IGSF21: variants seen among roughly 807,000 people sequenced by gnomAD.
IGSF21 encodes immunoglobin superfamily member 21, also known as immunoglobulin superfamily member 21.
In IGSF21, 28 loss-of-function variants were observed where a neutral mutation model predicts 46.8. That is an observed-to-expected ratio of 0.60 (90% CI 0.44 to 0.82). IGSF21 has a LOEUF of 0.82. Among genes scored for constraint, IGSF21 ranks in the 40% least tolerant of loss-of-function variants. The pLI is 0.00. For synonymous variants in IGSF21, 284 were observed against 273.6 expected, an observed-to-expected ratio of 1.04 and a Z score of -0.38; for missense variants, 624 against 665.5, an observed-to-expected ratio of 0.94 and a Z score of 0.69.
At chr1:18,307,432 T>A (rs1393922118) in intron 3 of IGSF21, among the ~76,000 whole-genome samples, 1 of 152,218 alleles carries the variant, frequency 6.6e-6, no homozygotes, top group Non-Finnish European at 1.5e-5. Context: ...CATCGACTCA[T>A]CTATCCTCAC....
chr1:18,113,618 C>A (rs2086162357), intron 1 of IGSF21: 1 of 144,662 alleles, frequency 6.9e-6, no homozygotes, highest in Non-Finnish European at 1.5e-5. Flanking sequence ...CCCCACCCCA[C>A]CCAACACATA....
chr1:18,334,009 C>T lies in IGSF21; in HGVS notation c.306-883C>T, dbSNP rs769874387. ...CAGTTGCACCAATTTGTTTACACAC[C>T]GATTGTAGCTGCTTTTGTGCTGCAA... On this transcript the variant is annotated intron_variant, in intron 3 of 9. Transcript: ENST00000251296. The surrounding 1 kb of genome is among the most constrained non-coding windows in gnomAD (Gnocchi z 4.3). Among the ~76,000 whole-genome samples, 77 of 152,156 alleles carry T rather than the reference C, an allele frequency of 5.1e-4. 1 individual carries two copies. Among genetic ancestry groups the T allele is most frequent in the African/African-American group, 8.9e-4 (37 of 41,434 alleles).
At chr1:18,330,613 G>A (rs12045666) in intron 3 of IGSF21, among the ~76,000 whole-genome samples, 5 of 41,186 alleles carry the variant, frequency 1.2e-4, no homozygotes, top group African/African-American at 6.1e-4. Context: ...GGGCAGGGGC[G>A]TGGGAGAAGG....
intron 4 of IGSF21, among the ~76,000 whole-genome samples, chr1:18,349,463 G>C (rs1247050218): frequency 6.6e-6 from 1 of 152,178 alleles, no homozygotes; most frequent in Admixed American, 6.5e-5. Context: ...GCATGGAGCT[G>C]GGCCTAGCAG....
chr1:18,376,189 T>C, intron 6 of IGSF21, 121 bp from the exon 7 acceptor site: 1 of 756,770 alleles, frequency 1.3e-6, no homozygotes, highest in Admixed American at 1.7e-5. Flanking sequence ...ATGAGCACAC[T>C]GAGCTTCTCA....
At chr1:18,245,857 G>A (rs2084778673) in intron 2 of IGSF21, among the ~76,000 whole-genome samples, 1 of 152,156 alleles carries the variant, frequency 6.6e-6, no homozygotes, top group African/African-American at 2.4e-5. Flanking sequence ...CTTAGAGTCA[G>A]ATCAGGATTC....
At chr1:18,239,691 T>C (rs1414147931) in intron 2 of IGSF21, among the ~76,000 whole-genome samples, 1 of 152,114 alleles carries the variant, frequency 6.6e-6, no homozygotes, top group Non-Finnish European at 1.5e-5. Flanking sequence ...CTGCGTGCAA[T>C]GCCCTTCTCC....
At chr1:18,271,390 A>G (rs1262314510) in intron 2 of IGSF21, among the ~76,000 whole-genome samples, 2 of 152,172 alleles carry the variant, frequency 1.3e-5, no homozygotes, top group African/African-American at 2.4e-5. Flanking sequence ...AAAGCCCCAC[A>G]TCCCAGGCCT....
chr1:18,195,058 T>A (rs1048276382), intron 1 of IGSF21, among the ~76,000 whole-genome samples: 1 of 152,184 alleles, frequency 6.6e-6, no homozygotes, highest in Non-Finnish European at 1.5e-5. Context: ...ACAGCCCCCA[T>A]GATTCAATGA....
At chr1:18,117,599 A>C (rs1341594677) in intron 1 of IGSF21, among the ~76,000 whole-genome samples, 1 of 152,186 alleles carries the variant, frequency 6.6e-6, no homozygotes, top group African/African-American at 2.4e-5. Context: ...CCATATGCAC[A>C]GTGGCTAGCA....
chr1:18,216,217 G>A (rs1180259544), intron 1 of IGSF21, among the ~76,000 whole-genome samples: 3 of 152,150 alleles, frequency 2.0e-5, no homozygotes, highest in African/African-American at 7.2e-5. Context: ...GGTGTTCCAG[G>A]AAGAGGAAAC....
chr1:18,196,683 T>A (rs1443668569), intron 1 of IGSF21, among the ~76,000 whole-genome samples: 1 of 152,188 alleles, frequency 6.6e-6, no homozygotes, highest in Admixed American at 6.5e-5. Context: ...GTGCTCTTCT[T>A]ATATCTGTTT....
intron 6 of IGSF21, among the ~76,000 whole-genome samples, chr1:18,370,195 G>A (rs561793909): frequency 2.6e-5 from 4 of 152,000 alleles, no homozygotes; most frequent in Admixed American, 6.6e-5. Context: ...TTCCCACCCC[G>A]ATTGATCTAC....
chr1:18,273,375 C>CTTTCCTTTCCTTTCT (rs1201163011), intron 2 of IGSF21, among the ~76,000 whole-genome samples: 1 of 142,272 alleles, frequency 7.0e-6, no homozygotes, highest in African/African-American at 2.7e-5. Flanking sequence ...CTTTCCTTTC[C>CTTTCCTTTCCTTTCT]TTTCCTTTCC....
At chr1:18,291,835 C>A (rs1256427540) in intron 2 of IGSF21, 31 bp from the exon 3 acceptor site, 2 of 1,610,700 alleles carry the variant, frequency 1.2e-6, no homozygotes, top group East Asian at 4.5e-5. Context: ...GTTGAGCACT[C>A]ACGTGTGGCT....
At chr1:18,208,376 AAT>A (rs5772795) in intron 1 of IGSF21, among the ~76,000 whole-genome samples, 1 of 22,036 alleles carries the variant, frequency 4.5e-5, no homozygotes, top group African/African-American at 1.7e-4. Context: ...GTTTAGGAAT[AAT>A]ATATATATAT....
chr1:18,350,581 T>A (rs1016635918), intron 4 of IGSF21, among the ~76,000 whole-genome samples: 1 of 152,140 alleles, frequency 6.6e-6, no homozygotes, highest in African/African-American at 2.4e-5. Context: ...ATTGTACAAT[T>A]ACTTGAACTG....
At chr1:18,220,167 C>G (rs2084494224) in intron 1 of IGSF21, among the ~76,000 whole-genome samples, 1 of 152,182 alleles carries the variant, frequency 6.6e-6, no homozygotes, top group Admixed American at 6.5e-5. Flanking sequence ...TACAGTCTCT[C>G]CCTTACCACC....
intron 1 of IGSF21, among the ~76,000 whole-genome samples, chr1:18,223,491 T>G (rs756696775): frequency 2.6e-5 from 4 of 152,236 alleles, no homozygotes; most frequent in Non-Finnish European, 4.4e-5. Context: ...GCTCTGTCCA[T>G]GAGGCATGGA....
Sources: gnomAD v4.1 joint callset for allele counts (sites outside exome capture counted in the v4.1 genomes callset) on GRCh38, gnomAD v4.1.1 for gene constraint, Gnocchi (gnomAD v3.1) non-coding constraint, MANE v1.5 for transcripts, NCBI Gene and HGNC (gene_info 2026-07-23, HGNC 2026-07-21) for gene names.